The following NFS1 variants were observed in gnomAD, a reference collection of about 807,000 sequenced individuals.
The protein encoded by NFS1 is NFS1 cysteine desulfurase.
In NFS1, 26 loss-of-function variants were observed where a neutral mutation model predicts 57.3. The observed-to-expected ratio is 0.45, with a 90% CI of 0.33 to 0.63. The LOEUF (loss-of-function observed/expected upper bound fraction) is 0.63. Ranked by LOEUF, NFS1 falls within the 20% of genes least tolerant of loss-of-function variation. The probability of loss-of-function intolerance (pLI) is 0.02; values close to 1 mark genes in which losing one functional copy is unlikely to be tolerated. For synonymous variants in NFS1, 209 were observed against 216.3 expected, an observed-to-expected ratio of 0.97 and a Z score of 0.30; for missense variants, 505 against 605.8, an observed-to-expected ratio of 0.83 and a Z score of 1.75.
At chr20:35,685,624 C>T (rs1274999260) in intron 5 of NFS1, among the ~76,000 whole-genome samples, 6 of 148,044 alleles carry the variant, frequency 4.1e-5, no homozygotes, top group East Asian at 2.0e-4. Context: ...TTTGAGAGGC[C>T]GAGACAGGCG....
Position 35,698,549 on chromosome 20 carries a change from C to T in NFS1, c.139G>A (p.Ala47Thr). The T allele has an allele frequency of 6.2e-7, 1 of 1,613,792 alleles. No individual in the cohort carries two copies. The highest frequency in any genetic ancestry group is 8.5e-7 in the Non-Finnish European group (1 of 1,179,882). Residue 47 changes from alanine to threonine, a missense_variant, in exon 2 of 13, where the codon GCC becomes ACC. Physicochemically the swap from Ala to Thr is moderately conservative, Grantham distance 58. Coordinates refer to ENST00000374092, the MANE Select transcript of NFS1 (RefSeq NM_021100.5). ...ACTGGCCCCACCTCCGGGGCAGCGG[C>T]TGTATCTGCGGGAACCGCAGACTGA... is the stretch of plus-strand genomic sequence containing the variant. Reference protein sequence around the residue: ...APQSAVPADTAAAPEVGPVLR... With the variant: ...APQSAVPADTTAAPEVGPVLR...
In NFS1 at chr20:35,699,294, C is replaced by G. The variant is rs956149447; in HGVS notation, c.-6G>C. The G allele has an allele frequency of 3.5e-5, 49 of 1,402,810 alleles. No individual in the cohort carries two copies. The highest frequency in any genetic ancestry group is 4.2e-5 in the Non-Finnish European group (46 of 1,086,520). The allele number at this position is 1,402,810 out of a possible 1,614,324, so 86.9% of individuals were successfully genotyped here. On this transcript the variant is annotated 5_prime_UTR_variant, in exon 1 of 13. Transcript: ENST00000374092. The surrounding 1 kb of genome is among the most constrained non-coding windows in gnomAD (Gnocchi z 4.4). ...CAAGCGGCTCGGAGCAGCATGGTCC[C>G]GCTGGCAGAGCCCACCTTCCGAAGC...
At chr20:35,676,731 T>C (rs2034752713) in intron 7 of NFS1, among the ~76,000 whole-genome samples, 1 of 112,070 alleles carries the variant, frequency 8.9e-6, no homozygotes, top group East Asian at 2.4e-4. Context: ...ACCCAAGAAA[T>C]TGCCTCCCAA....
intron 7 of NFS1, among the ~76,000 whole-genome samples, chr20:35,678,582 A>G (rs986095440): frequency 1.3e-5 from 2 of 151,510 alleles, no homozygotes; most frequent in African/African-American, 4.8e-5. Flanking sequence ...GTGGGCCTAT[A>G]ATCCCAGCTA....
chr20:35,671,215 T>C (rs1296517170), intron 12 of NFS1, among the ~76,000 whole-genome samples: 1 of 152,192 alleles, frequency 6.6e-6, no homozygotes, highest in Non-Finnish European at 1.5e-5. Flanking sequence ...GCCATTCTCC[T>C]GCCTCAGCCT....
At chr20:35,680,353 C>T (rs940410130) in intron 7 of NFS1, among the ~76,000 whole-genome samples, 1 of 152,018 alleles carries the variant, frequency 6.6e-6, no homozygotes, top group Non-Finnish European at 1.5e-5. Flanking sequence ...ATGCAATCTT[C>T]CCCTGAGCTA....
chr20:35,675,430 T>C, intron 7 of NFS1: 2 of 592,084 alleles, frequency 3.4e-6, no homozygotes, highest in Admixed American at 6.5e-5. Context: ...CAAAATGGTT[T>C]AAAGTAGCTC....
rs913031613 is a variant in NFS1, at chr20:35,668,649, G to C, written c.*973C>G. 2 of 152,186 alleles carry C rather than the reference G, an allele frequency of 1.3e-5. No individual in the cohort carries two copies. Among genetic ancestry groups the C allele is most frequent in the African/African-American group, 4.8e-5 (2 of 41,424 alleles). The allele number at this position is 152,186 out of a possible 1,614,324, so 9.4% of individuals were successfully genotyped here. A position where few individuals can be genotyped will look rare whatever the true frequency, so the allele number is the denominator to read the frequency against. On this transcript the variant is annotated 3_prime_UTR_variant, in exon 13 of 13. Transcript: ENST00000374092. ...ACACCCAGCATGGTAGGTTTTCCCT[G>C]CTATGTCCTCTTACCACTTAATTCT...
intron 12 of NFS1, among the ~76,000 whole-genome samples, chr20:35,670,742 C>A (rs985962241): frequency 2.0e-5 from 3 of 152,110 alleles, no homozygotes; most frequent in Middle Eastern, 3.2e-3. Flanking sequence ...CTTTGCTGGC[C>A]ACGTGGTCAG....
At chr20:35,698,965 G>A in intron 1 of NFS1, 1 of 1,319,984 alleles carries the variant, frequency 7.6e-7, no homozygotes, top group Non-Finnish European at 9.6e-7. Flanking sequence ...CGGTCTGAAG[G>A]ACGCGCCTCC....
At position 35,696,252 on chromosome 20, in the gene NFS1, G is replaced by A. The variant is rs1305985047; in HGVS notation, c.408+125C>T. ...AAGCAACAAATCAGAAAGACTGCAAGCCTTCTCTTCACAATGGGGTGGGGA... is the reference window on the plus strand; with the variant it reads ...AAGCAACAAATCAGAAAGACTGCAAACCTTCTCTTCACAATGGGGTGGGGA... On this transcript the variant is annotated intron_variant, in intron 4 of 12. Coordinates refer to ENST00000374092, the MANE Select transcript of NFS1 (RefSeq NM_021100.5). The A allele has an allele frequency of 1.3e-5, 9 of 710,538 alleles. No individual in the cohort carries two copies. In the East Asian group the frequency reaches 2.3e-4, roughly 18 times the overall value. 44.0% of individuals were successfully genotyped at this position (710,538 alleles called of 1,614,324 possible).
intron 3 of NFS1, among the ~76,000 whole-genome samples, chr20:35,696,899 G>A (rs914295141): frequency 6.6e-6 from 1 of 152,062 alleles, no homozygotes; most frequent in Non-Finnish European, 1.5e-5. Context: ...CTGAGGTCGG[G>A]AATTCAAGAC....
At chr20:35,683,817 G>C (rs1020632979) in intron 5 of NFS1, among the ~76,000 whole-genome samples, 4 of 142,058 alleles carry the variant, frequency 2.8e-5, no homozygotes, top group Non-Finnish European at 6.1e-5. Context: ...AAAAAAGAAA[G>C]AAAGAAATTG....
At chr20:35,678,777 T>G (rs529398280) in intron 7 of NFS1, among the ~76,000 whole-genome samples, 1 of 152,196 alleles carries the variant, frequency 6.6e-6, no homozygotes, top group South Asian at 2.1e-4. Context: ...GAGGGTTGCT[T>G]GAGCCCAGGA....
In NFS1 at chr20:35,699,317, A is replaced by C. The variant is rs2035204023; in HGVS notation, c.-29T>G. On this transcript the variant is annotated 5_prime_UTR_variant, in exon 1 of 13. Transcript: ENST00000374092. This position sits in a 1 kb window ranked among gnomAD's most constrained non-coding sequence, Gnocchi z 4.4. ...CCCGCTGGCAGAGCCCACCTTCCGA[A>C]GCCGCTGCAGTCCTGGGCCCCAGGC... 1 of 1,395,480 alleles carries C rather than the reference A, an allele frequency of 7.2e-7. No homozygotes were observed. Among genetic ancestry groups the C allele is most frequent in the Non-Finnish European group, 9.2e-7 (1 of 1,081,330 alleles). 86.4% of individuals were successfully genotyped at this position (1,395,480 alleles called of 1,614,324 possible).
chr20:35,698,968 G>A (rs914766756), intron 1 of NFS1: 7 of 1,319,038 alleles, frequency 5.3e-6, no homozygotes, highest in Non-Finnish European at 5.8e-6. Flanking sequence ...TCTGAAGGAC[G>A]CGCCTCCACG....
chr20:35,696,305 T>A, intron 4 of NFS1, 72 bp downstream of exon 4: 1 of 1,008,524 alleles, frequency 9.9e-7, no homozygotes, highest in Non-Finnish European at 1.6e-6. Flanking sequence ...CATATACGAG[T>A]CCAAATGATG....
At chr20:35,681,765 C>T (rs945063957) in intron 6 of NFS1, 123 bp downstream of exon 6, 9 of 561,564 alleles carry the variant, frequency 1.6e-5, no homozygotes, top group African/African-American at 1.1e-4. Context: ...TGTCCTTGAA[C>T]AAAGTACTTA....
intron 4 of NFS1, chr20:35,692,383 A>T (rs189313230): frequency 8.1e-5 from 16 of 198,046 alleles, no homozygotes; most frequent in African/African-American, 3.5e-4. Context: ...CAAAATAAAT[A>T]AATAAATTAA....
Sources: allele counts gnomAD v4.1 joint callset (sites outside exome capture counted in the v4.1 genomes callset), GRCh38; gene constraint gnomAD v4.1.1; non-coding constraint Gnocchi (gnomAD v3.1); transcripts MANE v1.5; gene names NCBI Gene and HGNC (gene_info 2026-07-23, HGNC 2026-07-21).